CTPS1: variants seen among roughly 807,000 people sequenced by gnomAD.
The protein encoded by CTPS1 is CTP synthase 1, also known as CTP synthetase 1.
CTPS1 carries 25 observed loss-of-function variants against 80.5 expected under a neutral mutation model. The ratio of observed to expected loss-of-function variants is 0.31; its 90% CI spans 0.23 to 0.43. The LOEUF (loss-of-function observed/expected upper bound fraction) is 0.43, where lower values mean the gene tolerates loss of function less well. Among genes scored for constraint, CTPS1 ranks in the 20% least tolerant of loss-of-function variants. The pLI, the probability that CTPS1 is intolerant of heterozygous loss-of-function variation, is 1.00. For missense variants in CTPS1, 442 were observed against 725.7 expected, an observed-to-expected ratio of 0.61 and a Z score of 4.49; for synonymous variants, 267 against 252.5, an observed-to-expected ratio of 1.06 and a Z score of -0.54.
chr1:40,987,598 G>GCCCTTACCTGCCACATT, intron 4 of CTPS1, 126 bp downstream of exon 4: 1 of 591,814 alleles, frequency 1.7e-6, no homozygotes, highest in Non-Finnish European at 2.9e-6. Context: ...GTTGCAATGT[G>GCCCTTACCTGCCACATT]GCAGGTAAGG....
intron 12 of CTPS1, 77 bp downstream of exon 12, chr1:41,003,253 T>C (rs1175620855): frequency 6.6e-7 from 1 of 1,522,406 alleles, no homozygotes; most frequent in Non-Finnish European, 9.1e-7. Context: ...GCCGCCTGGG[T>C]GATCAGGAGC....
At chr1:40,998,055 G>A (rs1173675100) in intron 9 of CTPS1, among the ~76,000 whole-genome samples, 1 of 152,168 alleles carries the variant, frequency 6.6e-6, no homozygotes, top group Non-Finnish European at 1.5e-5. Context: ...GGAATGGTGG[G>A]GCATGGCCCT....
At chr1:40,995,196 A>C (rs74920349) in intron 7 of CTPS1, among the ~76,000 whole-genome samples, 2,871 of 152,152 alleles carry the variant, frequency 0.019, 90 homozygotes, top group East Asian at 0.11. Context: ...TTAAAGCTAC[A>C]TTTGTGATTT....
intron 5 of CTPS1, 96 bp downstream of exon 5, chr1:40,988,806 A>G (rs757296490): frequency 1.3e-6 from 1 of 782,834 alleles, no homozygotes; most frequent in Non-Finnish European, 2.2e-6. Context: ...AGTAGTTTTC[A>G]CTTGAGGTGC....
rs189643949 is a variant in CTPS1 at position 40,987,585 on chromosome 1, T to G, written c.438+113T>G. 4.0e-5 allele frequency: 30 copies of G among 755,296 alleles called. No homozygotes were observed. In the Admixed American group the frequency reaches 6.4e-4, roughly 16 times the overall value. 46.8% of individuals were successfully genotyped at this position (755,296 alleles called of 1,614,324 possible). A position where few individuals can be genotyped will look rare whatever the true frequency, so the allele number is the denominator to read the frequency against. On this transcript the variant is annotated intron_variant, in intron 4 of 18. Coordinates refer to ENST00000650070, the MANE Select transcript of CTPS1 (RefSeq NM_001905.4). ...CTTGGCCTTCCTATCTCTGGTGCAG[T>G]ATGTTGCAATGTGGCAGGTAAGGGC...
At chr1:41,001,248 A>G (rs1296999525) in intron 10 of CTPS1, 131 bp downstream of exon 10, 2 of 610,296 alleles carry the variant, frequency 3.3e-6, no homozygotes, top group Non-Finnish European at 5.5e-6. Context: ...TGAAAAGACT[A>G]CATGCCATCT....
chr1:41,009,386 T>G (rs1643112772), intron 16 of CTPS1, 59 bp from the exon 17 acceptor site: 23 of 1,482,830 alleles, frequency 1.6e-5, no homozygotes, highest in Non-Finnish European at 2.1e-5. Flanking sequence ...GATTTTGTTC[T>G]TTTACACTTT....
intron 9 of CTPS1, among the ~76,000 whole-genome samples, chr1:41,000,228 TTTTG>T (rs1182647005): frequency 7.8e-6 from 1 of 127,552 alleles, no homozygotes; most frequent in African/African-American, 2.5e-5. Flanking sequence ...TTTTGTTTTG[TTTTG>T]TTTTGTTTTG....
chr1:40,984,815 C>T lies in CTPS1; in HGVS notation c.167-6C>T, dbSNP rs200144652. The T allele has an allele frequency of 1.9e-6, 3 of 1,543,798 alleles. No individual in the cohort carries two copies. Among genetic ancestry groups the T allele is most frequent in the Non-Finnish European group, 2.6e-6 (3 of 1,136,198 alleles). On this transcript the variant is annotated splice_region_variant and splice_polypyrimidine_tract_variant and intron_variant, in intron 2 of 18. Coordinates refer to ENST00000650070, the MANE Select transcript of CTPS1 (RefSeq NM_001905.4). Reference sequence around the variant, plus strand: ...TTAACGTAAATGGTTTCTCTGTTCACTGCAGGTGAGGTTTTTGTGCTGGAT... The same window carrying T: ...TTAACGTAAATGGTTTCTCTGTTCATTGCAGGTGAGGTTTTTGTGCTGGAT...
At chr1:40,996,570 G>T (rs1642757753) in intron 8 of CTPS1, among the ~76,000 whole-genome samples, 1 of 152,182 alleles carries the variant, frequency 6.6e-6, no homozygotes, top group Non-Finnish European at 1.5e-5. Context: ...CATTCCTTCA[G>T]AAATCTTCAC....
chr1:40,992,683 T>A (rs921084350), intron 7 of CTPS1, among the ~76,000 whole-genome samples: 3 of 71,804 alleles, frequency 4.2e-5, no homozygotes, highest in African/African-American at 5.8e-5. Flanking sequence ...AATTGTTCAA[T>A]TTTTTTTTTT....
chr1:41,002,880 C>G (rs1269869735), intron 11 of CTPS1, among the ~76,000 whole-genome samples: 1 of 152,152 alleles, frequency 6.6e-6, no homozygotes, highest in Non-Finnish European at 1.5e-5. Flanking sequence ...TCACTTACTT[C>G]TAAAATCGGA....
In CTPS1 at chr1:41,001,077, G is replaced by C; in HGVS notation, c.1054G>C (p.Val352Leu). Reference protein sequence around the residue: ...LEPITSQEEPVRYHEAWQKLC... With the variant: ...LEPITSQEEPLRYHEAWQKLC... ...GCCCATCACCTCGCAAGAAGAGCCC[G>C]TGCGCTACCACGAAGCTTGGCAGAA... is the stretch of plus-strand genomic sequence containing the variant. Residue 352 changes from valine (V) to leucine (L), a missense_variant, in exon 10 of 19, where the codon GTG (valine) becomes CTG (leucine). By Grantham distance (32) the Val-to-Leu change is conservative. Around this residue, in one of 4 missense-constraint regions of CTPS1, gnomAD observed 321 missense variants for 467.2 expected, o/e 0.69. Coordinates refer to ENST00000650070, the MANE Select transcript of CTPS1 (RefSeq NM_001905.4). The C allele has an allele frequency of 6.2e-7, 1 of 1,612,486 alleles. No homozygotes were observed. The highest frequency in any genetic ancestry group is 8.5e-7 in the Non-Finnish European group (1 of 1,179,452).
In CTPS1 at chr1:40,987,503, T is replaced by C. The variant is rs1169522748; in HGVS notation, c.438+31T>C. On this transcript the variant is annotated intron_variant, in intron 4 of 18. Transcript: ENST00000650070. ...TATGATTCCTGCACATGTGAACAAG[T>C]GTACTCATCTCCTTAGTCAGCCATC... 2.8e-6 allele frequency: 4 copies of C among 1,452,916 alleles called. No homozygotes were observed. In the South Asian group the frequency reaches 4.6e-5, roughly 17 times the overall value. The allele number at this position is 1,452,916 out of a possible 1,614,324, so 90.0% of individuals were successfully genotyped here.
At chr1:41,010,022 A>C in intron 17 of CTPS1, 139 bp from the exon 18 acceptor site, 2 of 603,872 alleles carry the variant, frequency 3.3e-6, no homozygotes, top group Admixed American at 3.0e-5. Flanking sequence ...TTTCATGTTA[A>C]ATATATTATG....
At chr1:41,010,376 C>T (rs1283954665) in intron 18 of CTPS1, 122 bp downstream of exon 18, 1 of 671,550 alleles carries the variant, frequency 1.5e-6, no homozygotes, top group Admixed American at 2.5e-5. Context: ...GTGGTGAGGT[C>T]TTGAATATAA....
Position 40,999,158 on chromosome 1 carries a change from T to C in CTPS1, c.1005+1632T>C, listed in dbSNP as rs563499448. Among the ~76,000 whole-genome samples, 10 of 151,858 alleles carry C rather than the reference T, an allele frequency of 6.6e-5. No individual in the cohort carries two copies. In the East Asian group the frequency reaches 1.9e-3, roughly 29 times the overall value. On this transcript the variant is annotated intron_variant, in intron 9 of 18. Coordinates refer to ENST00000650070, the MANE Select transcript of CTPS1 (RefSeq NM_001905.4). ...CCTCATGGAGGGACACCAGGTTGGG[T>C]TGGGTAGGATGGAGAAGGCTCGGAA...
chr1:41,003,148 A>G lies in CTPS1; in HGVS notation c.1224A>G (p.Glu408=). 6.2e-7 allele frequency: 1 copy of G among 1,614,192 alleles called. No individual in the cohort carries two copies. Among genetic ancestry groups the G allele is most frequent in the South Asian group, 1.1e-5 (1 of 91,080 alleles). ...TAGGGATGCAGTTGGCAGTGGTTGA[A>G]TTCTCAAGAAACGTGCTGGGATGGC... The part of the protein sequence containing the change: ...VCLGMQLAVV[E]FSRNVLGWQD... The change falls in exon 12 of 19, where the codon GAA becomes GAG. Residue 408 remains glutamate (E), a synonymous_variant. Coordinates refer to ENST00000650070, the MANE Select transcript of CTPS1 (RefSeq NM_001905.4).
At chr1:41,009,025 G>T in intron 16 of CTPS1, 135 bp downstream of exon 16, 1 of 731,512 alleles carries the variant, frequency 1.4e-6, no homozygotes, top group Non-Finnish European at 2.3e-6. Context: ...GAGGGAAGGG[G>T]TCTTGATAAA....
Sources: allele counts gnomAD v4.1 joint callset (sites outside exome capture counted in the v4.1 genomes callset), GRCh38; gene constraint gnomAD v4.1.1; regional missense constraint gnomAD v4.1.1; transcripts MANE v1.5; gene names NCBI Gene and HGNC (gene_info 2026-07-23, HGNC 2026-07-21).